BCL2: variants seen among roughly 807,000 people sequenced by gnomAD.
BCL2 encodes the protein apoptosis regulator Bcl-2.
Under a neutral mutation model 14.2 loss-of-function variants are expected in BCL2, and 1 was observed. The observed-to-expected ratio is 0.07, with a 90% CI of 0.02 to 0.33. The LOEUF is 0.33. BCL2 is among the 10% of genes least tolerant of loss of function. The pLI is 0.99. For missense variants in BCL2, 247 were observed against 305.9 expected, an observed-to-expected ratio of 0.81 and a Z score of 1.44; for synonymous variants, 151 against 137.2, an observed-to-expected ratio of 1.10 and a Z score of -0.70.
At chr18:63,160,099 A>G (rs1914883653) in intron 2 of BCL2, among the ~76,000 whole-genome samples, 1 of 152,240 alleles carries the variant, frequency 6.6e-6, no homozygotes, top group African/African-American at 2.4e-5. Flanking sequence ...CAGCATTTCC[A>G]TCCTCCCAGA....
At chr18:63,228,125 C>A (rs1910596791) in intron 2 of BCL2, among the ~76,000 whole-genome samples, 1 of 152,164 alleles carries the variant, frequency 6.6e-6, no homozygotes, top group South Asian at 2.1e-4. Flanking sequence ...CTTAAAAGAT[C>A]ACTAATGCCA....
intron 2 of BCL2, among the ~76,000 whole-genome samples, chr18:63,305,748 A>AT (rs971856487): frequency 9.2e-5 from 14 of 152,138 alleles, no homozygotes; most frequent in African/African-American, 3.4e-4. Context: ...TAACCAGACA[A>AT]TTTTTTAAAA....
At chr18:63,180,321 T>C (rs1376175927) in intron 2 of BCL2, among the ~76,000 whole-genome samples, 2 of 152,230 alleles carry the variant, frequency 1.3e-5, no homozygotes, top group African/African-American at 4.8e-5. Flanking sequence ...TTAAAATCCT[T>C]TGCTAAAGCA....
intron 2 of BCL2, among the ~76,000 whole-genome samples, chr18:63,235,476 C>G (rs539523095): frequency 6.6e-6 from 1 of 152,124 alleles, no homozygotes; most frequent in Non-Finnish European, 1.5e-5. Context: ...TTGCAACGGA[C>G]AAATCTTACA....
intron 2 of BCL2, among the ~76,000 whole-genome samples, chr18:63,275,808 C>T (rs763202539): frequency 6.6e-5 from 10 of 152,204 alleles, no homozygotes; most frequent in Non-Finnish European, 1.3e-4. Flanking sequence ...GGGGTGCCCA[C>T]GTGGTGGAGG....
At chr18:63,132,320 GAACA>G (rs1055934598) in intron 2 of BCL2, among the ~76,000 whole-genome samples, 8 of 152,232 alleles carry the variant, frequency 5.3e-5, no homozygotes, top group Non-Finnish European at 1.0e-4. Context: ...GCTCGTGGCA[GAACA>G]AACACCTTGC....
intron 2 of BCL2, among the ~76,000 whole-genome samples, chr18:63,198,177 T>TACAC (rs113352488): frequency 4.0e-4 from 56 of 140,180 alleles, no homozygotes; most frequent in Middle Eastern, 4.0e-3. Flanking sequence ...CACACAGACA[T>TACAC]ACACACACAC....
chr18:63,174,859 G>A (rs936130183), intron 2 of BCL2, among the ~76,000 whole-genome samples: 4 of 150,470 alleles, frequency 2.7e-5, no homozygotes, highest in African/African-American at 9.8e-5. Context: ...AAGTTCTACG[G>A]TCTTCCCTCA....
intron 2 of BCL2, among the ~76,000 whole-genome samples, chr18:63,166,045 G>C (rs746611447): frequency 1.8e-4 from 28 of 152,218 alleles, no homozygotes; most frequent in Non-Finnish European, 3.7e-4. Flanking sequence ...TATGGCCAGG[G>C]TTGCAGACCC....
chr18:63,288,484 G>T (rs1912536638), intron 2 of BCL2, among the ~76,000 whole-genome samples: 1 of 152,174 alleles, frequency 6.6e-6, no homozygotes, highest in African/African-American at 2.4e-5. Flanking sequence ...TTTCGTTTTA[G>T]AATATTTAGC....
chr18:63,255,680 C>A lies in BCL2; in HGVS notation c.585+62402G>T, dbSNP rs201071492. ...TTAACCTCAGTCTGTCTTGAATTTC[C>A]CCTGTGCAAAAAAACATGGGAAGAC... On this transcript the variant is annotated intron_variant, in intron 2 of 2. Transcript: ENST00000333681. Among the ~76,000 whole-genome samples the A allele has an allele frequency of 1.6e-4, 25 of 152,058 alleles. 1 individual carries two copies. In the East Asian group the frequency reaches 4.8e-3, roughly 29 times the overall value.
At chr18:63,154,559 C>T (rs1914726400) in intron 2 of BCL2, among the ~76,000 whole-genome samples, 1 of 152,230 alleles carries the variant, frequency 6.6e-6, no homozygotes, top group African/African-American at 2.4e-5. Context: ...GCTGCAGCCT[C>T]GTTCCTCTAC....
At chr18:63,169,221 A>AAT (rs1361225081) in intron 2 of BCL2, among the ~76,000 whole-genome samples, 3 of 151,080 alleles carry the variant, frequency 2.0e-5, no homozygotes, top group African/African-American at 7.3e-5. Context: ...AGTTAAATGC[A>AAT]GACAGAATAG....
rs980328130 is a variant in BCL2 at position 63,125,493 on chromosome 18, G to A, written c.*3132C>T. On this transcript the variant is annotated 3_prime_UTR_variant, in exon 3 of 3. Transcript: ENST00000333681. Reference sequence around the variant, plus strand: ...TTTTGGGGCTTTTTTTAGAGCCCTTGTCCCCAATTTGGAAAGTGCATATAC... The same window carrying A: ...TTTTGGGGCTTTTTTTAGAGCCCTTATCCCCAATTTGGAAAGTGCATATAC... 4.6e-6 allele frequency: 1 copy of A among 218,234 alleles called. No individual in the cohort carries two copies. The highest frequency in any genetic ancestry group is 9.2e-6 in the Non-Finnish European group (1 of 108,536). The allele number at this position is 218,234 out of a possible 1,614,324, so 13.5% of individuals were successfully genotyped here. A position where few individuals can be genotyped will look rare whatever the true frequency, so the allele number is the denominator to read the frequency against.
chr18:63,138,504 T>C (rs984612487), intron 2 of BCL2, among the ~76,000 whole-genome samples: 15 of 152,204 alleles, frequency 9.9e-5, no homozygotes, highest in African/African-American at 3.6e-4. Flanking sequence ...AAATAACCCT[T>C]GAGCATATAA....
At chr18:63,290,796 A>G (rs1912623890) in intron 2 of BCL2, among the ~76,000 whole-genome samples, 1 of 152,200 alleles carries the variant, frequency 6.6e-6, no homozygotes, top group African/African-American at 2.4e-5. Context: ...AGAATAACCT[A>G]ATTCATTTAA....
At chr18:63,198,810 G>T (rs1441079051) in intron 2 of BCL2, among the ~76,000 whole-genome samples, 8 of 1,482 alleles carry the variant, frequency 5.4e-3, no homozygotes, top group African/African-American at 0.012. Flanking sequence ...CTGACACAGA[G>T]ACACACAGAC....
At chr18:63,162,824 C>T (rs1914954894) in intron 2 of BCL2, among the ~76,000 whole-genome samples, 2 of 151,868 alleles carry the variant, frequency 1.3e-5, no homozygotes, top group Non-Finnish European at 2.9e-5. Context: ...TCCTTCCCTC[C>T]TTCCTTCCTT....
At chr18:63,191,978 T>G (rs1448253074) in intron 2 of BCL2, among the ~76,000 whole-genome samples, 1 of 152,256 alleles carries the variant, frequency 6.6e-6, no homozygotes, top group African/African-American at 2.4e-5. Flanking sequence ...GAGTGCCTCC[T>G]TCCTTCATTT....
Sources: allele counts gnomAD v4.1 joint callset (sites outside exome capture counted in the v4.1 genomes callset), GRCh38; gene constraint gnomAD v4.1.1; transcripts MANE v1.5; gene names NCBI Gene and HGNC (gene_info 2026-07-23, HGNC 2026-07-21).